DIXDC1: variants seen among roughly 807,000 people sequenced by gnomAD.
DIXDC1 encodes dixin.
A neutral mutation model predicts 103.1 loss-of-function variants in DIXDC1; 64 were observed. The observed-to-expected ratio is 0.62, with a 90% CI of 0.51 to 0.76. The LOEUF (loss-of-function observed/expected upper bound fraction) is 0.76. Ranked by LOEUF, DIXDC1 falls within the 30% of genes least tolerant of loss-of-function variation. The pLI, the probability that DIXDC1 is intolerant of heterozygous loss-of-function variation, is 0.00. For synonymous variants in DIXDC1, 266 were observed against 298.5 expected (o/e 0.89, Z 1.12); for missense variants, 759 against 834.2 (o/e 0.91, Z 1.11).
chr11:111,992,510 C>T lies in DIXDC1; in HGVS notation c.1209C>T (p.His403=), dbSNP rs782247734. 6.4e-7 allele frequency: 1 copy of T among 1,564,388 alleles called. No individual in the cohort carries two copies. Among genetic ancestry groups the T allele is most frequent in the Non-Finnish European group, 8.7e-7 (1 of 1,153,638 alleles). Residue 403 remains histidine, a synonymous_variant, in exon 11 of 20, where the codon CAC becomes CAT. Transcript: ENST00000440460. ...CAAATATGGACAAAGATGAGCTGCACAACCAGAATGTGAGTTAAATGAATG... is the reference window on the plus strand; with the variant it reads ...CAAATATGGACAAAGATGAGCTGCATAACCAGAATGTGAGTTAAATGAATG... ...LRANMDKDEL[H]NQNVDLQRKL...
intron 1 of DIXDC1, among the ~76,000 whole-genome samples, chr11:111,954,375 A>T (rs1013426660): frequency 2.0e-5 from 3 of 152,176 alleles, no homozygotes; most frequent in Non-Finnish European, 4.4e-5. Flanking sequence ...TGGTAATGTG[A>T]GCAATGGGGA....
intron 7 of DIXDC1, 60 bp downstream of exon 7, chr11:111,982,547 T>C: frequency 6.4e-7 from 1 of 1,553,840 alleles, no homozygotes. Context: ...GTCAGTATTA[T>C]CAATGGAAAA....
At chr11:111,975,405 CAG>C in intron 5 of DIXDC1, 1 of 1,032,346 alleles carries the variant, frequency 9.7e-7, no homozygotes, top group East Asian at 8.4e-5. Flanking sequence ...AGAAATTGAG[CAG>C]AGTTGTCTTA....
Position 111,996,108 on chromosome 11 carries a change from T to A in DIXDC1, c.1718T>A (p.Val573Glu). Reference protein sequence around the residue: ...KVRVKSPRTQVGSEYRESWPP... With the variant: ...KVRVKSPRTQEGSEYRESWPP... ...CGGGTCAAGTCACCCAGAACTCAAG[T>A]AGGTAGTGAATACCGGGAGTCCTGG... Residue 573 changes from valine to glutamate, a missense_variant, in exon 17 of 20, where the codon GTA becomes GAA. Physicochemically the swap from Val to Glu is moderately radical, Grantham distance 121 (BLOSUM62 -2). Around this residue, in one of 3 missense-constraint regions of DIXDC1, gnomAD observed 657 missense variants for 727.5 expected, o/e 0.90. Coordinates refer to ENST00000440460, the MANE Select transcript of DIXDC1 (RefSeq NM_001037954.4). 1.2e-6 allele frequency: 2 copies of A among 1,613,818 alleles called. No individual in the cohort carries two copies. Among genetic ancestry groups the A allele is most frequent in the Non-Finnish European group, 1.7e-6 (2 of 1,179,810 alleles).
At position 111,974,918 on chromosome 11, in the gene DIXDC1, T is replaced by G; in HGVS notation, c.591T>G (p.Ser197Arg). 1.2e-6 allele frequency: 2 copies of G among 1,613,458 alleles called. No homozygotes were observed. Among genetic ancestry groups the G allele is most frequent in the Non-Finnish European group, 1.7e-6 (2 of 1,179,778 alleles). The change falls in exon 5 of 20, where the codon AGT becomes AGG. Residue 197 changes from serine (S) to arginine (R), a missense_variant. This residue lies in a region of DIXDC1 where 657 missense variants were observed against 727.5 expected (regional missense o/e 0.90). Transcript: ENST00000440460. ...AGGAAATTGAGAATCCATACTGGAG[T>G]GTGCGGGCCCTAGTGCAGCAGTACG... ...MDEEIENPYW[S>R]VRALVQQYEG...
intron 6 of DIXDC1, 59 bp from the exon 7 acceptor site, chr11:111,982,280 T>G: frequency 3.2e-6 from 5 of 1,573,118 alleles, no homozygotes; most frequent in Non-Finnish European, 4.3e-6. Context: ...CTGTGAACGC[T>G]GTCTGCTGGA....
Position 111,977,741 on chromosome 11 carries a change from G to C in DIXDC1, c.656+2758G>C. Reference sequence around the variant, plus strand: ...CCTCCCACTTCACCCGGGGACGCAGGCTTGCTGAAGCCCGAGACAGGAGGG... The same window carrying C: ...CCTCCCACTTCACCCGGGGACGCAGCCTTGCTGAAGCCCGAGACAGGAGGG... On this transcript the variant is annotated intron_variant, in intron 5 of 19. Transcript: ENST00000440460. The surrounding 1 kb of genome is among the most constrained non-coding windows in gnomAD (Gnocchi z 6.1). 1 of 1,560,180 alleles carries C rather than the reference G, an allele frequency of 6.4e-7. No homozygotes were observed. The highest frequency in any genetic ancestry group is 1.2e-5 in the South Asian group (1 of 84,672).
chr11:111,989,468 C>T (rs1202643427), intron 10 of DIXDC1, among the ~76,000 whole-genome samples: 4 of 151,274 alleles, frequency 2.6e-5, no homozygotes, highest in South Asian at 2.1e-4. Flanking sequence ...ACTAAAAATA[C>T]AAAAAATTAG....
rs1275868130 is a variant in DIXDC1, at chr11:111,976,680, C to T, written c.656+1697C>T. 6.6e-6 allele frequency among the ~76,000 whole-genome samples: 1 copy of T among 152,106 alleles called. No homozygotes were observed. Among genetic ancestry groups the T allele is most frequent in the Admixed American group, 6.5e-5 (1 of 15,280 alleles). On this transcript the variant is annotated intron_variant, in intron 5 of 19. Coordinates refer to ENST00000440460, the MANE Select transcript of DIXDC1 (RefSeq NM_001037954.4). The surrounding 1 kb of genome is among the most constrained non-coding windows in gnomAD (Gnocchi z 4.3). ...CAGGAGCCCCCAGATGTGGCTTGCT[C>T]AGGACGGGAGTGGCTCAGAAGGAAG...
chr11:112,018,964 T>G lies in DIXDC1; in HGVS notation c.1980T>G (p.His660Gln). 6.2e-7 allele frequency: 1 copy of G among 1,610,254 alleles called. No individual in the cohort carries two copies. Among genetic ancestry groups the G allele is most frequent in the Non-Finnish European group, 8.5e-7 (1 of 1,177,416 alleles). The change falls in exon 20 of 20, where the codon CAT becomes CAG. Residue 660 changes from histidine (H) to glutamine (Q), a missense_variant. His to Gln is a conservative substitution (Grantham distance 24). Transcript: ENST00000440460. ...TTTGTTTTTTTCTCTAGATTTTCCA[T>G]GATGATGATGCCATCCCTGGATGGG... is the stretch of plus-strand genomic sequence containing the variant. ...EFGTVKEEIF[H>Q]DDDAIPGWEG...
intron 1 of DIXDC1, among the ~76,000 whole-genome samples, chr11:111,950,917 A>G (rs2137471489): frequency 6.6e-6 from 1 of 152,348 alleles, no homozygotes; most frequent in Admixed American, 6.5e-5. Flanking sequence ...TAAAATGTAC[A>G]ATATTATTGC....
At chr11:111,933,687 C>T (rs1966106026), upstream of DIXDC1, among the ~76,000 whole-genome samples, 1 of 69,168 alleles carries the variant, frequency 1.4e-5, no homozygotes. Context: ...GTCTCTCTCT[C>T]TCTCAAAAAA....
intron 1 of DIXDC1, among the ~76,000 whole-genome samples, chr11:111,944,154 T>G (rs782472010): frequency 2.6e-5 from 4 of 152,234 alleles, no homozygotes; most frequent in South Asian, 2.1e-4. Flanking sequence ...CTCCTCATCT[T>G]CTGCTGCTGG....
At chr11:111,986,750 T>C (rs587763235) in intron 8 of DIXDC1, 121 bp from the exon 9 acceptor site, 1 of 731,410 alleles carries the variant, frequency 1.4e-6, no homozygotes, top group African/African-American at 1.8e-5. Flanking sequence ...AACTGTTTCC[T>C]GTTCTTTGTA....
chr11:111,987,937 G>A (rs587658624), intron 9 of DIXDC1, among the ~76,000 whole-genome samples: 281 of 151,046 alleles, frequency 1.9e-3, no homozygotes, highest in African/African-American at 6.6e-3. Flanking sequence ...GGATTACAGC[G>A]TGAGCCACTG....
rs1592639097 is a variant in DIXDC1 at position 112,017,898 on chromosome 11, T to G, written c.1971+13T>G. Reference sequence around the variant, plus strand: ...TGTCAAAGAGGAGGTAAAGAATCTGTGGGGAGTCTGTATGGTATTATTGGT... The same window carrying G: ...TGTCAAAGAGGAGGTAAAGAATCTGGGGGGAGTCTGTATGGTATTATTGGT... On this transcript the variant is annotated intron_variant, in intron 19 of 19. Coordinates refer to ENST00000440460, the MANE Select transcript of DIXDC1 (RefSeq NM_001037954.4). This position sits in a 1 kb window ranked among gnomAD's most constrained non-coding sequence, Gnocchi z 4.0. The G allele has an allele frequency of 1.9e-6, 3 of 1,589,908 alleles. No homozygotes were observed. The highest frequency in any genetic ancestry group is 3.3e-4 in the Middle Eastern group (2 of 6,006).
At chr11:111,955,812 T>C (rs587751276) in intron 1 of DIXDC1, among the ~76,000 whole-genome samples, 1 of 117,220 alleles carries the variant, frequency 8.5e-6, no homozygotes, top group African/African-American at 3.6e-5. Flanking sequence ...CCAGCCTAGG[T>C]GACAGAGTGA....
At chr11:111,962,081 G>C (rs1016930070) in intron 1 of DIXDC1, among the ~76,000 whole-genome samples, 9 of 152,160 alleles carry the variant, frequency 5.9e-5, no homozygotes, top group African/African-American at 1.4e-4. Context: ...AATTATTGTT[G>C]AACTGATTGT....
intron 1 of DIXDC1, among the ~76,000 whole-genome samples, chr11:111,944,386 A>G (rs1555169181): frequency 6.6e-6 from 1 of 152,136 alleles, no homozygotes; most frequent in African/African-American, 2.4e-5. Flanking sequence ...GTGAAGCCCC[A>G]TTGGTGCTTT....
Sources: gnomAD v4.1 joint callset for allele counts (sites outside exome capture counted in the v4.1 genomes callset) on GRCh38, gnomAD v4.1.1 for gene constraint, gnomAD v4.1.1 regional missense constraint, Gnocchi (gnomAD v3.1) non-coding constraint, MANE v1.5 for transcripts, NCBI Gene and HGNC (gene_info 2026-07-23, HGNC 2026-07-21) for gene names.